Variants in FCRL1 observed in about 807,000 individuals in gnomAD.
FCRL1 encodes Fc receptor like 1.
Under a neutral mutation model 49.2 loss-of-function variants are expected in FCRL1, and 34 were observed. That is an observed-to-expected ratio of 0.69 (90% confidence interval 0.53 to 0.92). The LOEUF (loss-of-function observed/expected upper bound fraction) is 0.92, where lower values mean the gene tolerates loss of function less well. Ranked by LOEUF, FCRL1 falls within the 40% of genes least tolerant of loss-of-function variation. The pLI, the probability that FCRL1 is intolerant of heterozygous loss-of-function variation, is 0.00. For missense variants in FCRL1, 524 were observed against 524.1 expected (o/e 1.00, Z 0.00); for synonymous variants, 218 against 201.6 (o/e 1.08, Z -0.69).
rs1236651245 is a variant in FCRL1 at position 157,820,061 on chromosome 1, C to T, written c.-24G>A. 1.2e-6 allele frequency: 2 copies of T among 1,613,882 alleles called. No individual in the cohort carries two copies. Among genetic ancestry groups the T allele is most frequent in the African/African-American group, 2.7e-5 (2 of 74,896 alleles). On this transcript the variant is annotated 5_prime_UTR_variant, in exon 1 of 11. Coordinates refer to ENST00000368176, the MANE Select transcript of FCRL1 (RefSeq NM_052938.5). ...ATGAGGACCAGGTCAGGGATGGTACCTAGAGATGCCTCTCATCAAAAAAAG... is the reference window on the plus strand; with the variant it reads ...ATGAGGACCAGGTCAGGGATGGTACTTAGAGATGCCTCTCATCAAAAAAAG...
intron 6 of FCRL1, 143 bp downstream of exon 6, chr1:157,801,318 C>T (rs1036846943): frequency 1.0e-4 from 68 of 665,938 alleles, no homozygotes; most frequent in Admixed American, 2.4e-4. Context: ...GGCACTGTTC[C>T]TACCCGCTGG....
In FCRL1 at chr1:157,798,145, A is replaced by G; in HGVS notation, c.1114+16T>C. On this transcript the variant is annotated intron_variant, in intron 8 of 10. Transcript: ENST00000368176. ...TGCTGTACCATCGTTGGCCTGGGCC[A>G]TTTGGGAAGGCTCACCATTTTCATA... 7 of 1,607,182 alleles carry G rather than the reference A, an allele frequency of 4.4e-6. No individual in the cohort carries two copies. Among genetic ancestry groups the G allele is most frequent in the Non-Finnish European group, 6.0e-6 (7 of 1,175,946 alleles).
Position 157,800,158 on chromosome 1 carries a change from C to T in FCRL1, c.1004-73G>A, listed in dbSNP as rs1427745231. 5 of 1,463,800 alleles carry T rather than the reference C, an allele frequency of 3.4e-6. No individual in the cohort carries two copies. The South Asian group carries it at 3.5e-5, about 10-fold the overall frequency. The allele number at this position is 1,463,800 out of a possible 1,614,324, so 90.7% of individuals were successfully genotyped here. A position where few individuals can be genotyped will look rare whatever the true frequency, so the allele number is the denominator to read the frequency against. On this transcript the variant is annotated intron_variant, in intron 6 of 10. Coordinates refer to ENST00000368176, the MANE Select transcript of FCRL1 (RefSeq NM_052938.5). ...TGTCAGCACTGTCAGTGTTTTCATA[C>T]CCCCTGCACAGGGATATGCCTCATG...
In FCRL1 at chr1:157,802,670, T is replaced by G; in HGVS notation, c.320-6A>C. 1.2e-6 allele frequency: 2 copies of G among 1,610,920 alleles called. No individual in the cohort carries two copies. The highest frequency in any genetic ancestry group is 1.7e-6 in the Non-Finnish European group (2 of 1,178,314). Reference sequence around the variant, plus strand: ...CACATCAGCGACAGGGACCCCTGTGTGGACACAAGATGACATAGGAAGACC... The same window carrying G: ...CACATCAGCGACAGGGACCCCTGTGGGGACACAAGATGACATAGGAAGACC... On this transcript the variant is annotated splice_region_variant and splice_polypyrimidine_tract_variant and intron_variant, in intron 3 of 10. Coordinates refer to ENST00000368176, the MANE Select transcript of FCRL1 (RefSeq NM_052938.5).
At chr1:157,803,749 T>C in intron 3 of FCRL1, 96 bp downstream of exon 3, 1 of 1,443,408 alleles carries the variant, frequency 6.9e-7, no homozygotes, top group South Asian at 1.4e-5. Context: ...AAACAGCTCC[T>C]ACTCTTGCAG....
intron 1 of FCRL1, among the ~76,000 whole-genome samples, chr1:157,813,133 T>C (rs918715371): frequency 1.3e-5 from 2 of 152,094 alleles, no homozygotes; most frequent in Non-Finnish European, 2.9e-5. Context: ...CAAAAGCCAC[T>C]CTATAAAATT....
rs143748606 is a variant in FCRL1 at position 157,804,031 on chromosome 1, T to C, written c.133A>G (p.Ser45Gly). 4 of 1,614,188 alleles carry C rather than the reference T, an allele frequency of 2.5e-6. 1 individual carries two copies. In the South Asian group the frequency reaches 4.4e-5, roughly 18 times the overall value. Residue 45 changes from serine (S) to glycine (G), a missense_variant, in exon 3 of 11, where the codon AGT becomes GGT. Ser to Gly is a moderately conservative substitution (Grantham distance 56). Transcript: ENST00000368176. ...TLTCKMPFLQ[S>G]SDAQFQFCFF... ...CAGAACTGGAACTGGGCATCTGAAC[T>C]CTGTAGAAAGGGCATCTTACACGTC...
chr1:157,806,223 T>C (rs1653414524), intron 2 of FCRL1, among the ~76,000 whole-genome samples: 1 of 152,160 alleles, frequency 6.6e-6, no homozygotes, highest in African/African-American at 2.4e-5. Flanking sequence ...TGGACAAACA[T>C]TAGATAAGGA....
At chr1:157,812,080 G>A (rs1654404961) in intron 1 of FCRL1, among the ~76,000 whole-genome samples, 1 of 152,200 alleles carries the variant, frequency 6.6e-6, no homozygotes, top group South Asian at 2.1e-4. Context: ...TGAGCCAGCA[G>A]ACCAACTGCA....
At chr1:157,800,496 G>A (rs1323827064) in intron 6 of FCRL1, among the ~76,000 whole-genome samples, 1 of 152,206 alleles carries the variant, frequency 6.6e-6, no homozygotes, top group Non-Finnish European at 1.5e-5. Context: ...GAATTTAAAT[G>A]AGAATTTCAC....
intron 1 of FCRL1, among the ~76,000 whole-genome samples, chr1:157,807,951 C>T (rs1042005697): frequency 6.6e-6 from 1 of 152,154 alleles, no homozygotes; most frequent in African/African-American, 2.4e-5. Flanking sequence ...AGACTAGTGC[C>T]TGGAATTTAC....
In FCRL1 at chr1:157,796,952, T is replaced by C. The variant is rs560196761; in HGVS notation, c.1218+149A>G. 2.2e-5 allele frequency: 15 copies of C among 670,004 alleles called. 1 individual carries two copies. In the Middle Eastern group the frequency reaches 7.6e-4, roughly 34 times the overall value. The allele number at this position is 670,004 out of a possible 1,614,324, so 41.5% of individuals were successfully genotyped here. A position where few individuals can be genotyped will look rare whatever the true frequency, so the allele number is the denominator to read the frequency against. On this transcript the variant is annotated intron_variant, in intron 10 of 10. Coordinates refer to ENST00000368176, the MANE Select transcript of FCRL1 (RefSeq NM_052938.5). ...CAATGACCCCTTATTGTTGTAACTA[T>C]GTGTTTTTACCTCCATTGCTTTGGG...
intron 2 of FCRL1, among the ~76,000 whole-genome samples, chr1:157,805,533 T>C (rs1191948713): frequency 6.6e-6 from 1 of 152,208 alleles, no homozygotes; most frequent in South Asian, 2.1e-4. Context: ...CTGTCTTTCC[T>C]TGGAAAACTG....
chr1:157,807,014 G>T, intron 2 of FCRL1, 88 bp downstream of exon 2: 2 of 1,477,478 alleles, frequency 1.4e-6, no homozygotes, highest in Non-Finnish European at 1.9e-6. Flanking sequence ...GGAAGGGGCT[G>T]CTAAGACAGC....
At chr1:157,809,417 A>G (rs1046697256) in intron 1 of FCRL1, among the ~76,000 whole-genome samples, 3 of 148,498 alleles carry the variant, frequency 2.0e-5, no homozygotes, top group Non-Finnish European at 3.0e-5. Flanking sequence ...TTTGTAAAAA[A>G]CAAAAACAAA....
chr1:157,801,846 C>G, intron 5 of FCRL1, 69 bp downstream of exon 5: 1 of 1,539,844 alleles, frequency 6.5e-7, no homozygotes, highest in Non-Finnish European at 8.8e-7. Flanking sequence ...CACAGTGGCA[C>G]CAGCAAAACT....
intron 9 of FCRL1, 126 bp downstream of exon 9, chr1:157,797,740 TAC>T: frequency 6.4e-7 from 1 of 1,572,976 alleles, no homozygotes; most frequent in Non-Finnish European, 8.6e-7. Context: ...AGCCATTAAG[TAC>T]ACACAGTGAT....
At chr1:157,810,230 G>A (rs566959526) in intron 1 of FCRL1, among the ~76,000 whole-genome samples, 6 of 152,198 alleles carry the variant, frequency 3.9e-5, no homozygotes, top group African/African-American at 1.4e-4. Flanking sequence ...AGTTTACCAG[G>A]GGTTAGGAAT....
chr1:157,799,644 G>A (rs1488013503), intron 7 of FCRL1, among the ~76,000 whole-genome samples: 2 of 151,820 alleles, frequency 1.3e-5, no homozygotes, highest in African/African-American at 4.8e-5. Context: ...CTGTTGTGGG[G>A]TGCGGGGGAG....
Sources: gnomAD v4.1 joint callset for allele counts (sites outside exome capture counted in the v4.1 genomes callset) on GRCh38, gnomAD v4.1.1 for gene constraint, MANE v1.5 for transcripts, NCBI Gene and HGNC (gene_info 2026-07-23, HGNC 2026-07-21) for gene names.